The following GBP5 variants were observed in gnomAD, a reference collection of about 807,000 sequenced individuals.
The protein encoded by GBP5 is guanylate binding protein 5, also known as guanylate-binding protein 5.
In GBP5, 48 loss-of-function variants were observed where a neutral mutation model predicts 58.2. The ratio of observed to expected loss-of-function variants is 0.83; its 90% confidence interval spans 0.65 to 1.05. The LOEUF (loss-of-function observed/expected upper bound fraction) is 1.05, where lower values mean the gene tolerates loss of function less well. Among genes scored for constraint, GBP5 ranks in the 50% least tolerant of loss-of-function variants. The pLI, the probability that GBP5 is intolerant of heterozygous loss-of-function variation, is 0.00. For synonymous variants in GBP5, 248 were observed against 251.8 expected, an observed-to-expected ratio of 0.98 and a Z score of 0.14; for missense variants, 714 against 686.8, an observed-to-expected ratio of 1.04 and a Z score of -0.44.
chr1:89,263,692 G>GAGGT, intron 9 of GBP5, 44 bp downstream of exon 9: 2 of 1,384,364 alleles, frequency 1.4e-6, no homozygotes, highest in Non-Finnish European at 2.1e-6. Context: ...GTTTTACAAA[G>GAGGT]AGGTCCCTCA....
In GBP5 at chr1:89,263,794, A is replaced by G; in HGVS notation, c.1304T>C (p.Ile435Thr). 6.2e-7 allele frequency: 1 copy of G among 1,613,828 alleles called. No individual in the cohort carries two copies. The highest frequency in any genetic ancestry group is 1.3e-5 in the African/African-American group (1 of 74,918). ...TGCCTTCAGTTCTTCTGTTTTCTGA[A>G]TGAAGAGATTATGGCCTCCTGGCTT... ...YSKPGGHNLFIQKTEELKAKY... is the reference protein window; with the variant it reads ...YSKPGGHNLFTQKTEELKAKY... The change falls in exon 9 of 12, where the codon ATT becomes ACT. Residue 435 changes from isoleucine to threonine, a missense_variant. Coordinates refer to ENST00000370459, the MANE Select transcript of GBP5 (RefSeq NM_052942.5).
Position 89,268,829 on chromosome 1 carries a change from G to T in GBP5, c.218C>A (p.Ser73Tyr), listed in dbSNP as rs1473980450. 1.2e-5 allele frequency: 20 copies of T among 1,613,804 alleles called. No homozygotes were observed. Among genetic ancestry groups the T allele is most frequent in the Non-Finnish European group, 1.6e-5 (19 of 1,179,882 alleles). ...KGFSVASTVQ[S>Y]HTKGIWIWCV... ...CCATATCCAAATTCCCTTGGTGTGA[G>T]ACTGCACCGTAGATGCAACAGAGAA... Residue 73 changes from serine (S) to tyrosine (Y), a missense_variant, in exon 4 of 12, where the codon TCT (serine) becomes TAT (tyrosine). Physicochemically the swap from Ser to Tyr is moderately radical, Grantham distance 144. Transcript: ENST00000370459.
intron 6 of GBP5, 104 bp from the exon 7 acceptor site, chr1:89,266,692 T>C (rs551144729): frequency 8.9e-7 from 1 of 1,124,352 alleles, no homozygotes; most frequent in South Asian, 1.6e-5. Flanking sequence ...TAGATTAATA[T>C]ATCTTCATAA....
At chr1:89,268,089 G>A (rs974917002) in intron 4 of GBP5, among the ~76,000 whole-genome samples, 16 of 152,232 alleles carry the variant, frequency 1.1e-4, no homozygotes, top group African/African-American at 3.9e-4. Flanking sequence ...ACCAACTCAT[G>A]ACAGCAAATT....
At chr1:89,269,898 A>G (rs577107248) in intron 2 of GBP5, 25 of 164,934 alleles carry the variant, frequency 1.5e-4, no homozygotes, top group Non-Finnish European at 2.7e-4. Flanking sequence ...TGGCTTAGTT[A>G]TGTTTTTTAG....
intron 9 of GBP5, chr1:89,263,278 C>G (rs1650082842): frequency 6.2e-6 from 1 of 161,756 alleles, no homozygotes. Flanking sequence ...GAAAATGAAA[C>G]AGAAAAATGA....
chr1:89,269,299 C>T, intron 3 of GBP5, 67 bp downstream of exon 3: 1 of 1,475,896 alleles, frequency 6.8e-7, no homozygotes, highest in Admixed American at 1.7e-5. Context: ...TCCTTGCTTC[C>T]TCGTACTGGA....
In GBP5 at chr1:89,260,531, G is replaced by A; in HGVS notation, c.*173C>T. On this transcript the variant is annotated 3_prime_UTR_variant, in exon 12 of 12. Transcript: ENST00000370459. ...TAAACATTTAAACTATTGGACTACT[G>A]GGATGTACATTTTACCAGATACCAG... The A allele has an allele frequency of 1.8e-6, 1 of 556,800 alleles. No individual in the cohort carries two copies. Among genetic ancestry groups the A allele is most frequent in the Non-Finnish European group, 3.2e-6 (1 of 313,112 alleles). The allele number at this position is 556,800 out of a possible 1,614,324, so 34.5% of individuals were successfully genotyped here.
chr1:89,268,676 T>G, intron 4 of GBP5, 53 bp downstream of exon 4: 1 of 1,588,712 alleles, frequency 6.3e-7, no homozygotes, highest in South Asian at 1.1e-5. Context: ...AAAATCTCCC[T>G]GTGAAAAGAC....
chr1:89,267,694 T>C (rs907535794), intron 4 of GBP5, among the ~76,000 whole-genome samples, 168 bp from the exon 5 acceptor site: 4 of 152,214 alleles, frequency 2.6e-5, no homozygotes, highest in African/African-American at 9.6e-5. Flanking sequence ...TACTCATCCA[T>C]ATCTTATTAA....
rs957249706 is a variant in GBP5, at chr1:89,258,779, CA to C, written c.*1924del. ...TTGTGTAATGTTTCTATAATTTAAA[CA>C]AAAAAAATTTTACTGGAGATATACA... On this transcript the variant is annotated 3_prime_UTR_variant, in exon 12 of 12. Transcript: ENST00000370459. Among the ~76,000 whole-genome samples the C allele has an allele frequency of 6.6e-6, 1 of 151,492 alleles. No individual in the cohort carries two copies. The highest frequency in any genetic ancestry group is 2.4e-5 in the African/African-American group (1 of 41,338).
intron 9 of GBP5, 92 bp downstream of exon 9, chr1:89,263,644 G>A: frequency 1.3e-6 from 1 of 787,094 alleles, no homozygotes; most frequent in Non-Finnish European, 2.2e-6. Context: ...AACCTCATCT[G>A]TGTGCCTGTA....
Position 89,258,331 on chromosome 1 carries a change from T to A in GBP5, c.*2373A>T, listed in dbSNP as rs1437263132. On this transcript the variant is annotated 3_prime_UTR_variant, in exon 12 of 12. Transcript: ENST00000370459. ...TTCTGAGTCTCAGGATTTTAAAAAA[T>A]TTCTTTAAGATGGGTAATAAAGATA... Among the ~76,000 whole-genome samples, 6 of 152,192 alleles carry A rather than the reference T, an allele frequency of 3.9e-5. No individual in the cohort carries two copies. Among genetic ancestry groups the A allele is most frequent in the Non-Finnish European group, 8.8e-5 (6 of 68,032 alleles).
Position 89,269,450 on chromosome 1 carries a change from G to T in GBP5, c.106C>A (p.Gln36Lys), listed in dbSNP as rs1251491761. Residue 36 changes from glutamine (Q) to lysine (K), a missense_variant, in exon 3 of 12, where the codon CAA becomes AAA. Transcript: ENST00000370459. ...EALEILSAIT[Q>K]PVVVVAIVGL... ...ACAATCGCTACCACAACTACAGGTTGCGTAATGGCAGACAGGATCTCCAAA... is the reference window on the plus strand; with the variant it reads ...ACAATCGCTACCACAACTACAGGTTTCGTAATGGCAGACAGGATCTCCAAA... 6.2e-7 allele frequency: 1 copy of T among 1,614,098 alleles called. No homozygotes were observed. Among genetic ancestry groups the T allele is most frequent in the Admixed American group, 1.7e-5 (1 of 60,014 alleles).
At chr1:89,262,542 A>T (rs954194811) in intron 10 of GBP5, 141 bp from the exon 11 acceptor site, 8 of 908,918 alleles carry the variant, frequency 8.8e-6, no homozygotes, top group Non-Finnish European at 1.3e-5. Context: ...ATGCAGGATC[A>T]TGCCAGTCAG....
In GBP5 at chr1:89,263,895, G is replaced by T. The variant is rs755985311; in HGVS notation, c.1203C>A (p.Ser401=). ...TAAGTAAAGCCGAGCAATAATCCGA[G>T]GATGCTTCCAGGTTCCGTTTACAAA... The part of the protein sequence containing the change: ...NDICKRNLEA[S]SDYCSALLKD... Residue 401 remains serine, a synonymous_variant, in exon 9 of 12, where the codon TCC becomes TCA. Coordinates refer to ENST00000370459, the MANE Select transcript of GBP5 (RefSeq NM_052942.5). 1 of 1,612,146 alleles carries T rather than the reference G, an allele frequency of 6.2e-7. No homozygotes were observed. Among genetic ancestry groups the T allele is most frequent in the African/African-American group, 1.3e-5 (1 of 74,208 alleles).
chr1:89,261,025 A>G (rs896464133), intron 11 of GBP5, among the ~76,000 whole-genome samples: 2 of 152,096 alleles, frequency 1.3e-5, no homozygotes, highest in African/African-American at 2.4e-5. Context: ...TCCCTGGAAT[A>G]TTGGTGTCCC....
In GBP5 at chr1:89,264,749, G is replaced by T; in HGVS notation, c.1086C>A (p.Ala362=). The change falls in exon 8 of 12, where the codon GCC becomes GCA. Residue 362 remains alanine, a synonymous_variant. Coordinates refer to ENST00000370459, the MANE Select transcript of GBP5 (RefSeq NM_052942.5). ...LDLHRTSERE[A]IEVFMKNSFK... Reference sequence around the variant, plus strand: ...AAGAGTTTTTCATGAAGACTTCAATGGCCTCCCTCTCACTGGTCCTGTGCA... The same window carrying T: ...AAGAGTTTTTCATGAAGACTTCAATTGCCTCCCTCTCACTGGTCCTGTGCA... 1 of 1,614,156 alleles carries T rather than the reference G, an allele frequency of 6.2e-7. No individual in the cohort carries two copies. Among genetic ancestry groups the T allele is most frequent in the Non-Finnish European group, 8.5e-7 (1 of 1,180,020 alleles).
chr1:89,263,645 T>C, intron 9 of GBP5, 91 bp downstream of exon 9: 1 of 794,316 alleles, frequency 1.3e-6, no homozygotes, highest in South Asian at 1.5e-5. Flanking sequence ...ACCTCATCTG[T>C]GTGCCTGTAT....
Sources: allele counts gnomAD v4.1 joint callset (sites outside exome capture counted in the v4.1 genomes callset), GRCh38; gene constraint gnomAD v4.1.1; transcripts MANE v1.5; gene names NCBI Gene and HGNC (gene_info 2026-07-23, HGNC 2026-07-21).